The following PKP4 variants were observed in gnomAD, a reference collection of about 807,000 sequenced individuals.
PKP4 encodes the protein plakophilin-4.
PKP4 carries 90 observed loss-of-function variants against 145.1 expected under a neutral mutation model. That is an observed-to-expected ratio of 0.62 (90% CI 0.52 to 0.74). PKP4 has a LOEUF of 0.74. Ranked by LOEUF, PKP4 falls within the 30% of genes least tolerant of loss-of-function variation. The probability of loss-of-function intolerance (pLI) is 0.00; values close to 1 mark genes in which losing one functional copy is unlikely to be tolerated. For missense variants in PKP4, 1,340 were observed against 1,482.7 expected, an observed-to-expected ratio of 0.90 and a Z score of 1.58; for synonymous variants, 563 against 577.2, an observed-to-expected ratio of 0.98 and a Z score of 0.35.
Position 158,495,635 on chromosome 2 carries a change from A to ACCAGCC in PKP4, c.-5-37544_-5-37539dup, listed in dbSNP as rs1044941168. ...CCTGACTTGAGGTCAGGAGTTCAAGACCAGCCTGGCCAACATGGTGAAACC... is the reference window on the plus strand; with the variant it reads ...CCTGACTTGAGGTCAGGAGTTCAAGACCAGCCCCAGCCTGGCCAACATGGTGAAACC... On this transcript the variant is annotated intron_variant, in intron 1 of 21. Coordinates refer to ENST00000389759, the MANE Select transcript of PKP4 (RefSeq NM_003628.6). Among the ~76,000 whole-genome samples the ACCAGCC allele has an allele frequency of 1.1e-4, 16 of 152,076 alleles. 1 individual carries two copies. Among genetic ancestry groups the ACCAGCC allele is most frequent in the African/African-American group, 3.6e-4 (15 of 41,520 alleles).
At chr2:158,655,014 TA>T (rs951707832) in intron 11 of PKP4, among the ~76,000 whole-genome samples, 6 of 151,972 alleles carry the variant, frequency 3.9e-5, no homozygotes, top group African/African-American at 9.7e-5. Context: ...CATCTTTTTT[TA>T]AAAAAAAATC....
At chr2:158,646,494 G>A (rs1326601437) in intron 11 of PKP4, among the ~76,000 whole-genome samples, 1 of 152,080 alleles carries the variant, frequency 6.6e-6, no homozygotes, top group Non-Finnish European at 1.5e-5. Context: ...CTTTTTTTGT[G>A]TGTGTACATG....
At position 158,631,888 on chromosome 2, in the gene PKP4, A is replaced by G. The variant is rs769663935; in HGVS notation, c.1289A>G (p.His430Arg). ...YYSPVYRSPN[H>R]GTVELQGSQT... is the part of the protein sequence containing the mutation. ...AGCCCAGTGTACCGCAGCCCAAACCATGGAACTGTGGAGCTCCAAGGATCG... is the reference window on the plus strand; with the variant it reads ...AGCCCAGTGTACCGCAGCCCAAACCGTGGAACTGTGGAGCTCCAAGGATCG... The change falls in exon 8 of 22, where the codon CAT becomes CGT. Residue 430 changes from histidine (H) to arginine (R), a missense_variant. Coordinates refer to ENST00000389759, the MANE Select transcript of PKP4 (RefSeq NM_003628.6). The G allele has an allele frequency of 3.1e-6, 5 of 1,614,028 alleles. No homozygotes were observed. The highest frequency in any genetic ancestry group is 2.7e-5 in the African/African-American group (2 of 74,930).
At chr2:158,547,163 A>G (rs1057348959) in intron 2 of PKP4, among the ~76,000 whole-genome samples, 2 of 152,200 alleles carry the variant, frequency 1.3e-5, no homozygotes, top group Non-Finnish European at 2.9e-5. Context: ...ATGGCCCAGC[A>G]GTTCTCCTGG....
In PKP4 at chr2:158,541,175, C is replaced by T. The variant is rs532785176; in HGVS notation, c.132+7859C>T. ...TTCAGGTATAACCCTAAAGTTATTC[C>T]GTAGCTATTGCAAAACATAGCCTAT... On this transcript the variant is annotated intron_variant, in intron 2 of 21. Transcript: ENST00000389759. 2.0e-5 allele frequency among the ~76,000 whole-genome samples: 3 copies of T among 152,126 alleles called. No individual in the cohort carries two copies. In the South Asian group the frequency reaches 6.2e-4, roughly 32 times the overall value.
At chr2:158,532,459 C>G (rs1364383831) in intron 1 of PKP4, among the ~76,000 whole-genome samples, 1 of 152,176 alleles carries the variant, frequency 6.6e-6, no homozygotes, top group Admixed American at 6.5e-5. Context: ...CACTAGAAGA[C>G]AGAGAGACTG....
At chr2:158,584,112 G>A (rs1013270921) in intron 3 of PKP4, among the ~76,000 whole-genome samples, 3 of 152,172 alleles carry the variant, frequency 2.0e-5, no homozygotes, top group Non-Finnish European at 4.4e-5. Context: ...GCCTGCTGGC[G>A]GGGACCCAGT....
intron 1 of PKP4, among the ~76,000 whole-genome samples, chr2:158,472,587 T>C (rs1573970629): frequency 8.3e-6 from 1 of 120,308 alleles, no homozygotes; most frequent in Admixed American, 1.2e-4. Context: ...CACTCCAGCC[T>C]GGGACACAGA....
intron 1 of PKP4, 148 bp from the exon 2 acceptor site, chr2:158,533,032 C>T (rs1168778458): frequency 3.1e-6 from 2 of 651,406 alleles, no homozygotes; most frequent in Non-Finnish European, 4.9e-6. Flanking sequence ...TATTGGTTAC[C>T]TGTTTAGAAA....
At chr2:158,521,839 T>G (rs529485860) in intron 1 of PKP4, among the ~76,000 whole-genome samples, 1 of 152,320 alleles carries the variant, frequency 6.6e-6, no homozygotes, top group East Asian at 1.9e-4. Flanking sequence ...TCCTAGCAAT[T>G]TTTTCTACTT....
At chr2:158,621,658 A>ATCTC (rs2052262701) in intron 6 of PKP4, among the ~76,000 whole-genome samples, 1 of 151,934 alleles carries the variant, frequency 6.6e-6, no homozygotes, top group Non-Finnish European at 1.5e-5. Flanking sequence ...AGGCAGGAGA[A>ATCTC]TCACTTGAGC....
chr2:158,601,889 G>A (rs1430308027), intron 3 of PKP4, among the ~76,000 whole-genome samples: 1 of 152,046 alleles, frequency 6.6e-6, no homozygotes. Flanking sequence ...CAGAAATATA[G>A]CACTAAAAGG....
At chr2:158,540,296 T>C (rs1450405688) in intron 2 of PKP4, among the ~76,000 whole-genome samples, 1 of 152,224 alleles carries the variant, frequency 6.6e-6, no homozygotes. Context: ...TCCATGTGGC[T>C]GTTCACACAT....
At chr2:158,609,392 A>C (rs1256912383) in intron 4 of PKP4, among the ~76,000 whole-genome samples, 2 of 152,230 alleles carry the variant, frequency 1.3e-5, no homozygotes, top group Non-Finnish European at 2.9e-5. Context: ...TCTTGACAAA[A>C]GCAACCTCTT....
At chr2:158,577,445 T>C in intron 3 of PKP4, 62 bp downstream of exon 3, 2 of 1,021,172 alleles carry the variant, frequency 2.0e-6, no homozygotes, top group South Asian at 2.9e-5. Context: ...TAGGTTGTTC[T>C]CTATGCAGCA....
intron 4 of PKP4, among the ~76,000 whole-genome samples, chr2:158,617,387 C>G (rs2051744911): frequency 6.6e-6 from 1 of 152,184 alleles, no homozygotes; most frequent in Admixed American, 6.5e-5. Flanking sequence ...CATTCACATG[C>G]TGTTTGCCAT....
chr2:158,528,639 A>T (rs1207253552), intron 1 of PKP4, among the ~76,000 whole-genome samples: 1 of 140,636 alleles, frequency 7.1e-6, no homozygotes, highest in Non-Finnish European at 1.5e-5. Context: ...AGTATAATAA[A>T]AAAAAAAAAA....
intron 1 of PKP4, among the ~76,000 whole-genome samples, chr2:158,472,700 T>TA (rs1691793466): frequency 6.6e-6 from 1 of 150,860 alleles, no homozygotes; most frequent in African/African-American, 2.4e-5. Flanking sequence ...TTGGGTCAGA[T>TA]AGAGAAAAGG....
intron 11 of PKP4, among the ~76,000 whole-genome samples, chr2:158,655,673 C>G (rs2055838837): frequency 6.6e-6 from 1 of 152,206 alleles, no homozygotes; most frequent in East Asian, 1.9e-4. Context: ...CAGCTCTCTG[C>G]CATGCATTGA....
Sources: gnomAD v4.1 joint callset for allele counts (sites outside exome capture counted in the v4.1 genomes callset) on GRCh38, gnomAD v4.1.1 for gene constraint, MANE v1.5 for transcripts, NCBI Gene and HGNC (gene_info 2026-07-23, HGNC 2026-07-21) for gene names.